Variants in COL4A3 observed in about 807,000 individuals in gnomAD.
COL4A3 encodes the protein collagen type IV alpha 3 chain.
A neutral mutation model predicts 217.4 loss-of-function variants in COL4A3; 135 were observed. The observed-to-expected ratio is 0.62, with a 90% confidence interval of 0.54 to 0.72. The LOEUF (loss-of-function observed/expected upper bound fraction) is 0.72, where lower values mean the gene tolerates loss of function less well. Among genes scored for constraint, COL4A3 ranks in the 30% least tolerant of loss-of-function variants. The pLI is 0.00. For missense variants in COL4A3, 1,868 were observed against 2,119.9 expected, an observed-to-expected ratio of 0.88 and a Z score of 2.33; for synonymous variants, 690 against 736.3, an observed-to-expected ratio of 0.94 and a Z score of 1.02.
intron 1 of COL4A3, among the ~76,000 whole-genome samples, chr2:227,200,261 C>T (rs2066634012): frequency 1.3e-5 from 2 of 152,182 alleles, no homozygotes; most frequent in African/African-American, 4.8e-5. Flanking sequence ...CTTTAATCTA[C>T]ACTGATTTTC....
At chr2:227,170,928 T>G (rs1428517714) in intron 1 of COL4A3, among the ~76,000 whole-genome samples, 1 of 152,226 alleles carries the variant, frequency 6.6e-6, no homozygotes, top group African/African-American at 2.4e-5. Context: ...CTTTAGTCAG[T>G]CACGGTAGCA....
chr2:227,231,387 C>A (rs1038687217), intron 1 of COL4A3, among the ~76,000 whole-genome samples: 2 of 151,786 alleles, frequency 1.3e-5, no homozygotes, highest in Non-Finnish European at 2.9e-5. Context: ...TTTTTTGTGG[C>A]CACATAGTAG....
chr2:227,187,783 C>T (rs1031788272), intron 1 of COL4A3, among the ~76,000 whole-genome samples: 2 of 152,176 alleles, frequency 1.3e-5, no homozygotes, highest in Non-Finnish European at 2.9e-5. Context: ...GGTTTCTATT[C>T]ATTCATGTCT....
Position 227,229,290 on chromosome 2 carries a change from T to A in COL4A3, c.88-8678T>A, listed in dbSNP as rs147961450. ...TTCTTGGATAAGCATCAAGTACCAT[T>A]GGGGTCTCTAACCAATATTTTGTTA... On this transcript the variant is annotated intron_variant, in intron 1 of 51. Transcript: ENST00000396578. Among the ~76,000 whole-genome samples the A allele has an allele frequency of 5.1e-3, 779 of 152,328 alleles. 7 individuals carry two copies. The highest frequency in any genetic ancestry group is 0.018 in the African/African-American group (730 of 41,564).
Position 227,279,797 on chromosome 2 carries a change from C to T in COL4A3, c.2130C>T (p.Asp710=). The change falls in exon 29 of 52, where the codon GAC becomes GAT. Residue 710 remains aspartate, a synonymous_variant. Transcript: ENST00000396578. ...TTTATTGTTTTTTCTCTGTAGGAGA[C>T]CAAGGTTTTCCAGGTACAAAAGGAT... is the stretch of plus-strand genomic sequence containing the variant. The part of the protein sequence containing the change: ...GFPGPPGPKG[D]QGFPGTKGSL... The T allele has an allele frequency of 6.2e-7, 1 of 1,605,330 alleles. No individual in the cohort carries two copies. Among genetic ancestry groups the T allele is most frequent in the Non-Finnish European group, 8.5e-7 (1 of 1,175,720 alleles).
intron 1 of COL4A3, among the ~76,000 whole-genome samples, chr2:227,220,144 GTGTGTGTGTGTGTGTGTGTGTT>G (rs2067708134): frequency 6.8e-6 from 1 of 147,314 alleles, no homozygotes; most frequent in African/African-American, 2.5e-5. Flanking sequence ...TTATGTGTGT[GTGTGTGTGTGTGTGTGTGTGTT>G]TCAGAGACAA....
intron 1 of COL4A3, among the ~76,000 whole-genome samples, chr2:227,171,849 C>T (rs1028246013): frequency 1.3e-5 from 2 of 152,134 alleles, no homozygotes; most frequent in Admixed American, 6.5e-5. Flanking sequence ...GAGGGCCAAG[C>T]GGGCAACTTG....
Position 227,172,436 on chromosome 2 carries a change from G to A in COL4A3, c.87+7623G>A, listed in dbSNP as rs143307531. Among the ~76,000 whole-genome samples, 426 of 152,218 alleles carry A rather than the reference G, an allele frequency of 2.8e-3. 3 individuals carry two copies. Among genetic ancestry groups the A allele is most frequent in the African/African-American group, 9.4e-3 (391 of 41,532 alleles). On this transcript the variant is annotated intron_variant, in intron 1 of 51. Transcript: ENST00000396578. The stretch of plus-strand genomic sequence containing the variant: ...TGACCTCTCATTATATCCTCACAAG[G>A]TAGTTCGGCGGGGGTGGTTGGGGAG...
chr2:227,231,536 T>C (rs535635781), intron 1 of COL4A3, among the ~76,000 whole-genome samples: 29 of 152,256 alleles, frequency 1.9e-4, no homozygotes, highest in African/African-American at 7.0e-4. Context: ...CTTTTTTTTT[T>C]CTGAAACAGG....
Position 227,259,836 on chromosome 2 carries a change from C to T in COL4A3, c.1073C>T (p.Thr358Ile). 6.2e-7 allele frequency: 1 copy of T among 1,613,934 alleles called. No individual in the cohort carries two copies. The highest frequency in any genetic ancestry group is 8.5e-7 in the Non-Finnish European group (1 of 1,179,788). The change falls in exon 19 of 52, where the codon ACT becomes ATT. Residue 358 changes from threonine (T) to isoleucine (I), a missense_variant. Around this residue, in one of 2 missense-constraint regions of COL4A3, gnomAD observed 1,503 missense variants for 1,786.1 expected, o/e 0.84. Transcript: ENST00000396578. ...TACCAGGAAAAGGGAGATGAAGGCACTCCAGGCCCACCAGGGCCCAGAGGA... is the reference window on the plus strand; with the variant it reads ...TACCAGGAAAAGGGAGATGAAGGCATTCCAGGCCCACCAGGGCCCAGAGGA... ...DTYQEKGDEG[T>I]PGPPGPRGAR...
intron 1 of COL4A3, among the ~76,000 whole-genome samples, chr2:227,172,124 G>T (rs527455380): frequency 6.6e-6 from 1 of 152,300 alleles, no homozygotes; most frequent in African/African-American, 2.4e-5. Flanking sequence ...CTCTTAATGT[G>T]CATGCTTGAG....
At chr2:227,255,741 T>C (rs533956616) in intron 15 of COL4A3, among the ~76,000 whole-genome samples, 74 of 152,282 alleles carry the variant, frequency 4.9e-4, no homozygotes, top group Admixed American at 2.5e-3. Context: ...AAGTTTAGAA[T>C]GAACAGCATC....
intron 16 of COL4A3, 83 bp from the exon 17 acceptor site, chr2:227,256,260 G>C (rs2070164637): frequency 2.3e-6 from 3 of 1,284,938 alleles, no homozygotes; most frequent in Admixed American, 3.4e-5. Flanking sequence ...TTTTGTTTCA[G>C]AGGAGTTCAA....
chr2:227,283,905 C>T (rs776369618), intron 33 of COL4A3, 49 bp downstream of exon 33: 15 of 1,481,044 alleles, frequency 1.0e-5, no homozygotes, highest in Non-Finnish European at 1.4e-5. Flanking sequence ...AAACAATGTT[C>T]ATTTATTTTG....
At chr2:227,227,133 G>A (rs2068139451) in intron 1 of COL4A3, among the ~76,000 whole-genome samples, 1 of 152,232 alleles carries the variant, frequency 6.6e-6, no homozygotes, top group Non-Finnish European at 1.5e-5. Flanking sequence ...GATTTGTCCT[G>A]CAAGCTGCTG....
In COL4A3 at chr2:227,291,464, G is replaced by A. The variant is rs1476933705; in HGVS notation, c.3210+578G>A. On this transcript the variant is annotated intron_variant, in intron 37 of 51. Transcript: ENST00000396578. ...TGTAGTCCCAGCTACTTGGGAGGCTGAGGCAGGAGAATGGCATGAACCTGG... is the reference window on the plus strand; with the variant it reads ...TGTAGTCCCAGCTACTTGGGAGGCTAAGGCAGGAGAATGGCATGAACCTGG... Among the ~76,000 whole-genome samples, 4 of 149,744 alleles carry A rather than the reference G, an allele frequency of 2.7e-5. No individual in the cohort carries two copies. The East Asian group carries it at 7.9e-4, about 30-fold the overall frequency.
At chr2:227,225,007 G>A (rs896346360) in intron 1 of COL4A3, among the ~76,000 whole-genome samples, 3 of 152,166 alleles carry the variant, frequency 2.0e-5, no homozygotes, top group Admixed American at 6.5e-5. Context: ...AACCTCCTGG[G>A]CTCCAGCGAT....
intron 1 of COL4A3, among the ~76,000 whole-genome samples, chr2:227,225,288 TC>T (rs1322898655): frequency 6.6e-6 from 1 of 152,126 alleles, no homozygotes. Flanking sequence ...ACCTAAGAAG[TC>T]CCATCCGCCT....
At chr2:227,277,363 G>T in intron 27 of COL4A3, 86 bp from the exon 28 acceptor site, 2 of 825,626 alleles carry the variant, frequency 2.4e-6, no homozygotes, top group South Asian at 2.9e-5. Flanking sequence ...GGGATAGGAC[G>T]ACACAGAGAA....
Sources: gnomAD v4.1 joint callset for allele counts (sites outside exome capture counted in the v4.1 genomes callset) on GRCh38, gnomAD v4.1.1 for gene constraint, gnomAD v4.1.1 regional missense constraint, MANE v1.5 for transcripts, NCBI Gene and HGNC (gene_info 2026-07-23, HGNC 2026-07-21) for gene names.